The following ADD3 variants were observed in gnomAD, a reference collection of about 807,000 sequenced individuals.
The protein encoded by ADD3 is adducin 3, also known as gamma-adducin.
Under a neutral mutation model 80.2 loss-of-function variants are expected in ADD3, and 25 were observed. The observed-to-expected ratio is 0.31, with a 90% CI of 0.23 to 0.44. The LOEUF (loss-of-function observed/expected upper bound fraction) is 0.44. Among genes scored for constraint, ADD3 ranks in the 20% least tolerant of loss-of-function variants. The pLI is 1.00. For missense variants in ADD3, 829 were observed against 847.5 expected (o/e 0.98, Z 0.27); for synonymous variants, 284 against 289.6 (o/e 0.98, Z 0.20).
chr10:110,121,061 A>T (rs543373809), intron 8 of ADD3, among the ~76,000 whole-genome samples: 80 of 152,204 alleles, frequency 5.3e-4, no homozygotes, highest in African/African-American at 1.8e-3. Flanking sequence ...AAGAAAACCT[A>T]GGCATTACCA....
chr10:110,102,426 T>C (rs1029013175), intron 2 of ADD3, among the ~76,000 whole-genome samples: 3 of 152,048 alleles, frequency 2.0e-5, no homozygotes, highest in Non-Finnish European at 4.4e-5. Context: ...CTGGGCAACA[T>C]AGTGAGACCC....
intron 1 of ADD3, among the ~76,000 whole-genome samples, chr10:110,059,014 A>G (rs963165496): frequency 4.6e-5 from 7 of 152,256 alleles, no homozygotes; most frequent in African/African-American, 1.7e-4. Flanking sequence ...AAATTACATT[A>G]GATCCATTGT....
chr10:110,108,526 T>C (rs1319691734), intron 2 of ADD3, among the ~76,000 whole-genome samples: 2 of 152,172 alleles, frequency 1.3e-5, no homozygotes, highest in African/African-American at 4.8e-5. Flanking sequence ...ATTATTAACA[T>C]TGAACTTTAG....
chr10:110,069,510 T>G (rs1332027453), intron 1 of ADD3, among the ~76,000 whole-genome samples: 1 of 152,184 alleles, frequency 6.6e-6, no homozygotes, highest in Non-Finnish European at 1.5e-5. Flanking sequence ...CCTTAGAACT[T>G]AAGTGCCTTA....
At chr10:110,034,068 G>A (rs1855359900) in intron 1 of ADD3, among the ~76,000 whole-genome samples, 2 of 152,170 alleles carry the variant, frequency 1.3e-5, no homozygotes, top group South Asian at 4.1e-4. Flanking sequence ...CTAGACCACA[G>A]AAATCAGTCT....
At chr10:110,106,478 T>G (rs533398905) in intron 2 of ADD3, among the ~76,000 whole-genome samples, 23 of 152,132 alleles carry the variant, frequency 1.5e-4, no homozygotes, top group Non-Finnish European at 3.1e-4. Flanking sequence ...ATTCTACTTT[T>G]GGTTTATAGT....
intron 10 of ADD3, 93 bp downstream of exon 10, chr10:110,124,367 A>G: frequency 7.2e-7 from 1 of 1,394,988 alleles, no homozygotes. Flanking sequence ...TTTGGAAAGT[A>G]AAATAATATT....
intron 1 of ADD3, among the ~76,000 whole-genome samples, chr10:110,061,445 G>C (rs1408093814): frequency 2.6e-5 from 4 of 152,180 alleles, no homozygotes; most frequent in African/African-American, 7.2e-5. Context: ...ACTGGAGTCA[G>C]CTTTCCTTTG....
intron 1 of ADD3, among the ~76,000 whole-genome samples, chr10:110,070,331 T>C (rs1844509925): frequency 1.3e-5 from 2 of 152,210 alleles, no homozygotes. Context: ...ATGATACCTG[T>C]TCACTTGTAG....
intron 5 of ADD3, 130 bp from the exon 6 acceptor site, chr10:110,118,457 G>A: frequency 1.5e-6 from 1 of 686,950 alleles, no homozygotes; most frequent in Non-Finnish European, 2.5e-6. Flanking sequence ...TTGCAGCAGA[G>A]GCCCACAAAG....
At chr10:110,013,402 C>T (rs1852558963) in intron 1 of ADD3, among the ~76,000 whole-genome samples, 1 of 152,146 alleles carries the variant, frequency 6.6e-6, no homozygotes, top group Non-Finnish European at 1.5e-5. Flanking sequence ...TGCACTCGGC[C>T]AAGGCTAAGG....
intron 8 of ADD3, among the ~76,000 whole-genome samples, chr10:110,121,398 G>A (rs552515955): frequency 2.0e-5 from 3 of 152,272 alleles, no homozygotes; most frequent in East Asian, 1.9e-4. Context: ...CGGGAGAATC[G>A]CTTGAACCCG....
chr10:110,063,737 T>TTATATA (rs139871560), intron 1 of ADD3, among the ~76,000 whole-genome samples: 1,977 of 63,548 alleles, frequency 0.031, 116 homozygotes, highest in Non-Finnish European at 0.043. Context: ...TATATATTCA[T>TTATATA]TATATATATA....
At chr10:110,111,901 G>A (rs973714949) in intron 2 of ADD3, among the ~76,000 whole-genome samples, 7 of 148,034 alleles carry the variant, frequency 4.7e-5, no homozygotes, top group Non-Finnish European at 1.0e-4. Flanking sequence ...CAACAAGAGC[G>A]AAACTCTGTC....
intron 6 of ADD3, 90 bp from the exon 7 acceptor site, chr10:110,119,121 T>G: frequency 7.1e-7 from 1 of 1,411,056 alleles, no homozygotes; most frequent in Non-Finnish European, 9.8e-7. Context: ...AATAGGCCAG[T>G]GTTTTCCTGA....
chr10:109,999,919 GTTTTTTT>G (rs1211606435), intron 1 of ADD3, among the ~76,000 whole-genome samples: 2 of 115,760 alleles, frequency 1.7e-5, no homozygotes, highest in Non-Finnish European at 3.8e-5. Flanking sequence ...TCTTAAGGTT[GTTTTTTT>G]TTTTTTTTTT....
intron 1 of ADD3, among the ~76,000 whole-genome samples, chr10:110,085,703 AG>A (rs1846641685): frequency 1.3e-5 from 2 of 152,234 alleles, no homozygotes; most frequent in South Asian, 4.1e-4. Context: ...CCTAGGGTTC[AG>A]GCATAGACCT....
At chr10:110,003,941 T>C (rs1851538599), upstream of ADD3, among the ~76,000 whole-genome samples, 1 of 152,212 alleles carries the variant, frequency 6.6e-6, no homozygotes, top group African/African-American at 2.4e-5. Flanking sequence ...CTGGATATGT[T>C]GGGAGCAATT....
chr10:110,008,662 C>G (rs1851946968), intron 1 of ADD3, among the ~76,000 whole-genome samples: 2 of 152,144 alleles, frequency 1.3e-5, no homozygotes, highest in African/African-American at 4.8e-5. Context: ...GCTTAGGTGA[C>G]CCCGGGGACC....
Sources: gnomAD v4.1 joint callset for allele counts (sites outside exome capture counted in the v4.1 genomes callset) on GRCh38, gnomAD v4.1.1 for gene constraint, MANE v1.5 for transcripts, NCBI Gene and HGNC (gene_info 2026-07-23, HGNC 2026-07-21) for gene names.